DSCAML1: variants seen among roughly 807,000 people sequenced by gnomAD.
DSCAML1 encodes DS cell adhesion molecule like 1, also known as cell adhesion molecule DSCAML1.
Under a neutral mutation model 200.5 loss-of-function variants are expected in DSCAML1, and 38 were observed. The observed-to-expected ratio is 0.19, with a 90% CI of 0.15 to 0.25. The LOEUF (loss-of-function observed/expected upper bound fraction) is 0.25, where lower values mean the gene tolerates loss of function less well. Ranked by LOEUF, DSCAML1 falls within the 10% of genes least tolerant of loss-of-function variation. The probability of loss-of-function intolerance (pLI) is 1.00; values close to 1 mark genes in which losing one functional copy is unlikely to be tolerated. For missense variants in DSCAML1, 2,223 were observed against 2,858.8 expected (o/e 0.78, Z 5.07); for synonymous variants, 1,215 against 1,165.0 (o/e 1.04, Z -0.87).
At chr11:117,675,308 A>C (rs656449) in intron 3 of DSCAML1, among the ~76,000 whole-genome samples, 149,601 of 152,014 alleles carry the variant, frequency 0.98, 73,662 homozygotes, top group Middle Eastern at 1. Context: ...TTATGCTTCC[A>C]AGCCTGCCAG....
chr11:117,539,333 C>T (rs919189902), intron 3 of DSCAML1, among the ~76,000 whole-genome samples: 2 of 152,088 alleles, frequency 1.3e-5, no homozygotes, highest in South Asian at 2.1e-4. Flanking sequence ...CTAGGCTGGG[C>T]GCAGTGGCTC....
At chr11:117,580,902 A>C (rs2051026769) in intron 3 of DSCAML1, among the ~76,000 whole-genome samples, 1 of 152,234 alleles carries the variant, frequency 6.6e-6, no homozygotes, top group Middle Eastern at 3.2e-3. Flanking sequence ...CACAGATTAA[A>C]GAACAATGAG....
At chr11:117,552,695 G>C (rs775824009) in intron 3 of DSCAML1, among the ~76,000 whole-genome samples, 1 of 152,206 alleles carries the variant, frequency 6.6e-6, no homozygotes, top group Non-Finnish European at 1.5e-5. Context: ...TGCTATCATC[G>C]TTTTGAGGTC....
chr11:117,476,430 C>T (rs2048793080), intron 14 of DSCAML1, among the ~76,000 whole-genome samples: 5 of 152,166 alleles, frequency 3.3e-5, no homozygotes. Context: ...AGGCCTCCTG[C>T]GTCACAACGA....
intron 3 of DSCAML1, among the ~76,000 whole-genome samples, chr11:117,675,048 G>C (rs1263961222): frequency 6.6e-6 from 1 of 152,174 alleles, no homozygotes; most frequent in Admixed American, 6.5e-5. Flanking sequence ...CTGCCTAGCT[G>C]TGTGACCTTG....
intron 3 of DSCAML1, among the ~76,000 whole-genome samples, chr11:117,775,323 A>G (rs2055111016): frequency 6.6e-6 from 1 of 152,224 alleles, no homozygotes; most frequent in Non-Finnish European, 1.5e-5. Context: ...GGCTGCGTCC[A>G]TGGAGCAGCC....
intron 3 of DSCAML1, among the ~76,000 whole-genome samples, chr11:117,769,235 A>G (rs2054965726): frequency 2.6e-5 from 1 of 37,766 alleles, no homozygotes; most frequent in East Asian, 9.9e-4. Context: ...TATATATTAT[A>G]TATTTTATAT....
chr11:117,637,836 G>A (rs2052323748), intron 3 of DSCAML1, among the ~76,000 whole-genome samples: 3 of 152,188 alleles, frequency 2.0e-5, no homozygotes, highest in Non-Finnish European at 4.4e-5. Flanking sequence ...CATTAGCGGA[G>A]AAATAATCTC....
intron 3 of DSCAML1, among the ~76,000 whole-genome samples, chr11:117,536,227 G>A (rs1365903889): frequency 6.6e-6 from 1 of 152,212 alleles, no homozygotes; most frequent in Admixed American, 6.5e-5. Flanking sequence ...CCCTGCTGGG[G>A]AAGGAAGGAG....
chr11:117,700,648 A>G (rs760427510), intron 3 of DSCAML1, among the ~76,000 whole-genome samples: 1 of 152,202 alleles, frequency 6.6e-6, no homozygotes, highest in Non-Finnish European at 1.5e-5. Context: ...GGCTCTAAGG[A>G]GCACTGATCA....
At chr11:117,611,715 G>A (rs1191155295) in intron 3 of DSCAML1, 1 of 152,090 alleles carries the variant, frequency 6.6e-6, no homozygotes, top group Non-Finnish European at 1.5e-5. Flanking sequence ...ATCCAGCGGG[G>A]TTGTCAAATC....
At chr11:117,650,299 G>T (rs1030240806) in intron 3 of DSCAML1, among the ~76,000 whole-genome samples, 1 of 152,196 alleles carries the variant, frequency 6.6e-6, no homozygotes, top group East Asian at 1.9e-4. Flanking sequence ...ACTGCCTCGT[G>T]TCAAAGGCTT....
chr11:117,545,658 A>C (rs1456892183), intron 3 of DSCAML1, among the ~76,000 whole-genome samples: 3 of 152,180 alleles, frequency 2.0e-5, no homozygotes, highest in Admixed American at 6.5e-5. Context: ...GATGGGGAAG[A>C]AAGACTGAGT....
At chr11:117,704,610 G>A (rs540536244) in intron 3 of DSCAML1, among the ~76,000 whole-genome samples, 3 of 152,130 alleles carry the variant, frequency 2.0e-5, no homozygotes, top group Admixed American at 6.6e-5. Context: ...GTATGGCCTC[G>A]CACTTAGCAT....
At chr11:117,444,100 C>G in intron 20 of DSCAML1, 61 bp from the exon 21 acceptor site, 1 of 1,545,378 alleles carries the variant, frequency 6.5e-7, no homozygotes, top group Non-Finnish European at 8.8e-7. Flanking sequence ...GCGTCCAAAT[C>G]TTCCTCAGTG....
At chr11:117,512,172 C>T (rs543129033) in intron 8 of DSCAML1, among the ~76,000 whole-genome samples, 1 of 152,330 alleles carries the variant, frequency 6.6e-6, no homozygotes, top group East Asian at 1.9e-4. Flanking sequence ...ATCCCTGCCC[C>T]CGCAACTTGC....
intron 3 of DSCAML1, among the ~76,000 whole-genome samples, chr11:117,562,586 A>C: frequency 6.6e-6 from 1 of 152,248 alleles, no homozygotes; most frequent in East Asian, 1.9e-4. Flanking sequence ...ATGAGTCACC[A>C]GAAACTGGTG....
intron 8 of DSCAML1, among the ~76,000 whole-genome samples, chr11:117,509,416 C>T (rs757704112): frequency 3.9e-5 from 6 of 152,162 alleles, no homozygotes; most frequent in South Asian, 4.1e-4. Context: ...GCTGGTCCCG[C>T]GCTCCCAGAG....
At chr11:117,690,721 G>C (rs12292652) in intron 3 of DSCAML1, among the ~76,000 whole-genome samples, 1,823 of 152,328 alleles carry the variant, frequency 0.012, 32 homozygotes, top group African/African-American at 0.042. Context: ...GCGTAGGCCA[G>C]GCAGGTCACA....
Sources: allele counts gnomAD v4.1 joint callset (sites outside exome capture counted in the v4.1 genomes callset), GRCh38; gene constraint gnomAD v4.1.1; transcripts MANE v1.5; gene names NCBI Gene and HGNC (gene_info 2026-07-23, HGNC 2026-07-21).